SH2B2: variants seen among roughly 807,000 people sequenced by gnomAD.
The protein encoded by SH2B2 is SH2B adapter protein 2.
SH2B2 carries 37 observed loss-of-function variants against 35.7 expected under a neutral mutation model. The ratio of observed to expected loss-of-function variants is 1.04; its 90% confidence interval spans 0.80 to 1.36. The LOEUF is 1.36. SH2B2 is among the 40% of genes most tolerant of loss of function. The pLI is 0.00. For synonymous variants in SH2B2, 383 were observed against 376.4 expected, an observed-to-expected ratio of 1.02 and a Z score of -0.20; for missense variants, 852 against 817.7, an observed-to-expected ratio of 1.04 and a Z score of -0.51.
chr7:102,294,596 C>T (rs781889452), intron 1 of SH2B2, among the ~76,000 whole-genome samples: 1 of 152,102 alleles, frequency 6.6e-6, no homozygotes, highest in South Asian at 2.1e-4. Flanking sequence ...CACGGGGTCA[C>T]GTCTTGAGCC....
intron 4 of SH2B2, among the ~76,000 whole-genome samples, chr7:102,312,847 G>T (rs1451499938): frequency 6.6e-6 from 1 of 152,078 alleles, no homozygotes; most frequent in Non-Finnish European, 1.5e-5. Flanking sequence ...GAGATTCTCA[G>T]GGCCGGGCGC....
chr7:102,294,306 G>C (rs1374620093), intron 1 of SH2B2, among the ~76,000 whole-genome samples: 1 of 152,192 alleles, frequency 6.6e-6, no homozygotes, highest in African/African-American at 2.4e-5. Context: ...GGGATTACAG[G>C]CTTGAGCCAC....
In SH2B2 at chr7:102,314,533, C is replaced by A. The variant is rs1024336821; in HGVS notation, c.1037C>A (p.Pro346Gln). The change falls in exon 6 of 9, where the codon CCA (proline) becomes CAA (glutamine). Residue 346 changes from proline to glutamine, a missense_variant. By Grantham distance (76) the Pro-to-Gln change is moderately conservative. Around this residue, in one of 3 missense-constraint regions of SH2B2, gnomAD observed 556 missense variants for 514.5 expected, o/e 1.08. Transcript: ENST00000444095. ...CCAGCAGTCGACCTGCCCCGCCCCC[C>A]AGAGACGACAGCCGTGGGTGCAGTG... ...LTDAVDLPRP[P>Q]ETTAVGAVVT... is the part of the protein sequence containing the mutation. 4 of 398,802 alleles carry A rather than the reference C, an allele frequency of 1.0e-5. No homozygotes were observed. Among genetic ancestry groups the A allele is most frequent in the South Asian group, 1.3e-4 (1 of 7,868 alleles). The allele number at this position is 398,802 out of a possible 1,614,324, so 24.7% of individuals were successfully genotyped here. A position where few individuals can be genotyped will look rare whatever the true frequency, so the allele number is the denominator to read the frequency against.
chr7:102,321,119 T>C (rs1794052276), intron 8 of SH2B2, among the ~76,000 whole-genome samples, 180 bp from the exon 9 acceptor site: 1 of 152,112 alleles, frequency 6.6e-6, no homozygotes, highest in African/African-American at 2.4e-5. Context: ...GTTAGGTACA[T>C]GTATGTGTGT....
intron 4 of SH2B2, among the ~76,000 whole-genome samples, chr7:102,311,591 G>A (rs369734549): frequency 7.1e-6 from 1 of 141,562 alleles, no homozygotes; most frequent in African/African-American, 2.7e-5. Flanking sequence ...GACGGGATCG[G>A]GATCGTGCTA....
At chr7:102,307,856 C>T (rs2132990780) in intron 3 of SH2B2, among the ~76,000 whole-genome samples, 1 of 152,128 alleles carries the variant, frequency 6.6e-6, no homozygotes, top group African/African-American at 2.4e-5. Context: ...CTACAACCTC[C>T]TCCTCCCGGG....
Position 102,301,175 on chromosome 7 carries a change from G to A in SH2B2, c.625G>A (p.Ala209Thr). 1 of 1,576,716 alleles carries A rather than the reference G, an allele frequency of 6.3e-7. No individual in the cohort carries two copies. Among genetic ancestry groups the A allele is most frequent in the Non-Finnish European group, 8.6e-7 (1 of 1,164,128 alleles). The change falls in exon 2 of 9, where the codon GCC becomes ACC. Residue 209 changes from alanine to threonine, a missense_variant. Transcript: ENST00000444095. ...GCGCTTCATGGTGGCCGACGACGCG[G>A]CCGCGGGCTCCGGGGGCTCGGCTCA... is the stretch of plus-strand genomic sequence containing the variant. ...ALRFMVADDA[A>T]AGSGGSAQWQ... is the part of the protein sequence containing the mutation.
intron 6 of SH2B2, among the ~76,000 whole-genome samples, chr7:102,316,821 C>G (rs541553849): frequency 5.3e-5 from 8 of 152,174 alleles, no homozygotes; most frequent in East Asian, 1.9e-4. Flanking sequence ...GAGTTTGAGA[C>G]CAGCCTGACC....
At chr7:102,316,877 G>T (rs1793850015) in intron 6 of SH2B2, among the ~76,000 whole-genome samples, 1 of 151,932 alleles carries the variant, frequency 6.6e-6, no homozygotes, top group Non-Finnish European at 1.5e-5. Context: ...AAATTAGTTG[G>T]GTGTGGTGGT....
At chr7:102,320,604 C>G in intron 8 of SH2B2, 102 bp downstream of exon 8, 2 of 1,425,544 alleles carry the variant, frequency 1.4e-6, no homozygotes, top group Non-Finnish European at 1.9e-6. Flanking sequence ...GGTCTCCTGT[C>G]CCATAGCCTC....
intron 1 of SH2B2, among the ~76,000 whole-genome samples, chr7:102,299,121 G>A (rs1249748134): frequency 2.7e-5 from 4 of 147,314 alleles, no homozygotes; most frequent in South Asian, 2.1e-4. Flanking sequence ...GGATGGTCTC[G>A]ATCTCCTGAC....
In SH2B2 at chr7:102,299,197, C is replaced by CTT. The variant is rs71123035; in HGVS notation, c.-29-1307_-29-1306dup. On this transcript the variant is annotated intron_variant, in intron 1 of 8. Transcript: ENST00000444095. ...TACAGGCATGAGCCACCGCGCCTGG[C>CTT]TTTTTTTTTTTTTTTTTTTGAGGTG... is the stretch of plus-strand genomic sequence containing the variant. Among the ~76,000 whole-genome samples, 84 of 24,632 alleles carry CTT rather than the reference C, an allele frequency of 3.4e-3. 14 individuals carry two copies. Among genetic ancestry groups the CTT allele is most frequent in the Admixed American group, 4.6e-3 (7 of 1,536 alleles). 16.2% of individuals were successfully genotyped at this position (24,632 alleles called of 152,430 possible). A position where few individuals can be genotyped will look rare whatever the true frequency, so the allele number is the denominator to read the frequency against.
chr7:102,314,824 C>T (rs1482105727), intron 6 of SH2B2, 142 bp downstream of exon 6: 3 of 397,252 alleles, frequency 7.6e-6, no homozygotes, highest in Non-Finnish European at 1.3e-5. Context: ...CACACGTCTC[C>T]GAAGTACTTC....
chr7:102,291,234 G>T (rs1246072719), intron 1 of SH2B2, among the ~76,000 whole-genome samples: 1 of 152,218 alleles, frequency 6.6e-6, no homozygotes, highest in Non-Finnish European at 1.5e-5. Flanking sequence ...GTCAAGCTTG[G>T]GATGTCTGCA....
At chr7:102,292,724 TC>T (rs1792721875) in intron 1 of SH2B2, among the ~76,000 whole-genome samples, 1 of 151,998 alleles carries the variant, frequency 6.6e-6, no homozygotes, top group African/African-American at 2.4e-5. Flanking sequence ...GGCCTCAGTT[TC>T]CCCATAGCGA....
chr7:102,285,790 G>A (rs1792421419), upstream of SH2B2, among the ~76,000 whole-genome samples: 1 of 152,176 alleles, frequency 6.6e-6, no homozygotes, highest in Non-Finnish European at 1.5e-5. Context: ...GTGGGGGCAG[G>A]GGACAAGGAG....
At chr7:102,289,545 C>A (rs1259453075) in intron 1 of SH2B2, among the ~76,000 whole-genome samples, 1 of 152,068 alleles carries the variant, frequency 6.6e-6, no homozygotes. Context: ...GGAGATCAGC[C>A]AGGCTGGGAG....
intron 6 of SH2B2, among the ~76,000 whole-genome samples, chr7:102,316,022 G>T (rs977435148): frequency 1.3e-5 from 2 of 151,938 alleles, no homozygotes; most frequent in Non-Finnish European, 2.9e-5. Flanking sequence ...GCTCATACCT[G>T]TAATCTCAGC....
At chr7:102,306,651 C>A in intron 2 of SH2B2, 70 bp from the exon 3 acceptor site, 1 of 1,133,202 alleles carries the variant, frequency 8.8e-7, no homozygotes, top group Non-Finnish European at 1.3e-6. Flanking sequence ...TAACACCTGG[C>A]AGCGGGGAGG....
Sources: allele counts gnomAD v4.1 joint callset (sites outside exome capture counted in the v4.1 genomes callset), GRCh38; gene constraint gnomAD v4.1.1; regional missense constraint gnomAD v4.1.1; transcripts MANE v1.5; gene names NCBI Gene and HGNC (gene_info 2026-07-23, HGNC 2026-07-21).